ZNF385D: variants seen among roughly 807,000 people sequenced by gnomAD.
The protein encoded by ZNF385D is zinc finger protein 659.
ZNF385D carries 15 observed loss-of-function variants against 35.8 expected under a neutral mutation model. That is an observed-to-expected ratio of 0.42 (90% CI 0.28 to 0.64). ZNF385D has a LOEUF of 0.64. ZNF385D is among the 30% of genes least tolerant of loss of function. The pLI, the probability that ZNF385D is intolerant of heterozygous loss-of-function variation, is 0.23. For synonymous variants in ZNF385D, 212 were observed against 186.8 expected (o/e 1.13, Z -1.10); for missense variants, 474 against 494.6 (o/e 0.96, Z 0.39).
intron 3 of ZNF385D, chr3:21,961,293 G>C (rs1262186926): frequency 6.6e-6 from 1 of 152,058 alleles, no homozygotes; most frequent in African/African-American, 2.4e-5. Flanking sequence ...ATGAATGAAA[G>C]AACAGAAACT....
intron 3 of ZNF385D, among the ~76,000 whole-genome samples, chr3:21,543,544 A>G (rs565033958): frequency 1.8e-4 from 27 of 152,264 alleles, no homozygotes; most frequent in Admixed American, 9.1e-4. Flanking sequence ...CCCAGCCACA[A>G]GCGTCTGCAG....
intron 4 of ZNF385D, chr3:21,441,667 C>T: frequency 3.0e-6 from 3 of 984,952 alleles, no homozygotes; most frequent in Non-Finnish European, 3.6e-6. Context: ...AAAAGGAAAA[C>T]CTATAGCTCT....
Position 21,805,265 on chromosome 3 carries a change from G to C in ZNF385D, c.326-140237C>G, listed in dbSNP as rs543336586. On this transcript the variant is annotated intron_variant, in intron 3 of 5. Transcript: ENST00000494108. ...TAATTCAAATTAGGGTAGTGAGAGA[G>C]AATATATATGTGTAAATAGTGTGTA... Among the ~76,000 whole-genome samples, 4 of 152,284 alleles carry C rather than the reference G, an allele frequency of 2.6e-5. No homozygotes were observed. The East Asian group carries it at 7.7e-4, about 29-fold the overall frequency.
chr3:21,504,146 A>G (rs918532362), intron 4 of ZNF385D, among the ~76,000 whole-genome samples: 10 of 152,154 alleles, frequency 6.6e-5, no homozygotes, highest in African/African-American at 1.9e-4. Context: ...CAATTAGATG[A>G]CTAAGGAAAA....
chr3:22,168,843 C>T, exon 3 of ZNF385D: 1 of 985,798 alleles, frequency 1.0e-6, no homozygotes, highest in Non-Finnish European at 1.2e-6. Context: ...CGTCCCATTG[C>T]TGAGTTGTTT....
At chr3:21,818,259 A>C (rs1233476412) in intron 3 of ZNF385D, among the ~76,000 whole-genome samples, 1 of 152,212 alleles carries the variant, frequency 6.6e-6, no homozygotes, top group African/African-American at 2.4e-5. Context: ...CATCACACCA[A>C]CATGGCACAT....
intron 1 of ZNF385D, among the ~76,000 whole-genome samples, chr3:21,689,992 TTTGA>T (rs1398893318): frequency 6.6e-6 from 1 of 152,104 alleles, no homozygotes; most frequent in Non-Finnish European, 1.5e-5. Context: ...CACTAATATT[TTTGA>T]TTGACAGACT....
At chr3:21,966,792 G>C (rs1702939313) in intron 3 of ZNF385D, among the ~76,000 whole-genome samples, 1 of 152,260 alleles carries the variant, frequency 6.6e-6, no homozygotes, top group East Asian at 1.9e-4. Flanking sequence ...ATGTTGGCCA[G>C]GCTGGTCTCA....
chr3:22,213,117 G>A (rs1177528631), intron 2 of ZNF385D, among the ~76,000 whole-genome samples: 3 of 151,896 alleles, frequency 2.0e-5, no homozygotes, highest in Non-Finnish European at 2.9e-5. Context: ...TTTTTTCAAA[G>A]AACAGACATA....
intron 3 of ZNF385D, among the ~76,000 whole-genome samples, chr3:22,106,679 C>T (rs1468084760): frequency 2.0e-5 from 3 of 152,152 alleles, no homozygotes; most frequent in Non-Finnish European, 2.9e-5. Context: ...TGACCTCTTA[C>T]CTACTACTTG....
At chr3:22,337,286 T>A (rs978779090) in intron 2 of ZNF385D, among the ~76,000 whole-genome samples, 4 of 152,056 alleles carry the variant, frequency 2.6e-5, no homozygotes, top group African/African-American at 9.7e-5. Context: ...AATCCCCAGA[T>A]TTTGAAAGGT....
chr3:22,033,676 T>C (rs1698144617), intron 3 of ZNF385D, among the ~76,000 whole-genome samples: 1 of 152,058 alleles, frequency 6.6e-6, no homozygotes, highest in African/African-American at 2.4e-5. Context: ...AAGGTGATTA[T>C]AACAAGAACA....
Position 22,367,178 on chromosome 3 carries a change from A to T in ZNF385D, c.106+5272T>A, listed in dbSNP as rs192022819. On this transcript the variant is annotated intron_variant, in intron 2 of 5. Transcript: ENST00000494108. ...CTTACTAGGTACTAGACTATTCGAA[A>T]CACTTTACGTGTATCACCTTATTAA... Among the ~76,000 whole-genome samples, 1,127 of 152,272 alleles carry T rather than the reference A, an allele frequency of 7.4e-3. 26 individuals are homozygous for T. Among genetic ancestry groups the T allele is most frequent in the African/African-American group, 0.026 (1,080 of 41,564 alleles).
intron 3 of ZNF385D, among the ~76,000 whole-genome samples, chr3:22,064,882 CAGTA>C (rs1195018668): frequency 3.2e-4 from 49 of 152,248 alleles, no homozygotes; most frequent in African/African-American, 1.1e-3. Context: ...ATGGTGATTA[CAGTA>C]AGTAACAATG....
rs773952386 is a variant in ZNF385D, at chr3:22,008,360, C to CATTTTTTTTTTTTTTTTTTTTTTTTT, written c.325+160456_325+160457insAAAAAAAAAAAAAAAAAAAAAAAAAT. 2.3e-5 allele frequency among the ~76,000 whole-genome samples: 3 copies of CATTTTTTTTTTTTTTTTTTTTTTTTT among 131,938 alleles called. 1 individual carries two copies. Among genetic ancestry groups the CATTTTTTTTTTTTTTTTTTTTTTTTT allele is most frequent in the African/African-American group, 6.0e-5 (2 of 33,070 alleles). 86.6% of individuals were successfully genotyped at this position (131,938 alleles called of 152,430 possible). A position where few individuals can be genotyped will look rare whatever the true frequency, so the allele number is the denominator to read the frequency against. ...TCACTTTCATACAGGCCATGATTTTCTTTTTTTTTTTTGAGGCGGAGTCTC... is the reference window on the plus strand; with the variant it reads ...TCACTTTCATACAGGCCATGATTTTCATTTTTTTTTTTTTTTTTTTTTTTTTTTTTTTTTTTTTGAGGCGGAGTCTC... On this transcript the variant is annotated intron_variant, in intron 3 of 5. Transcript: ENST00000494108.
At chr3:21,652,758 A>G (rs1355281823) in intron 2 of ZNF385D, among the ~76,000 whole-genome samples, 1 of 152,074 alleles carries the variant, frequency 6.6e-6, no homozygotes. Context: ...GTCTGCTGAG[A>G]ATGATGGTTT....
At chr3:22,363,204 C>A (rs1696497983) in intron 2 of ZNF385D, among the ~76,000 whole-genome samples, 1 of 133,704 alleles carries the variant, frequency 7.5e-6, no homozygotes, top group Non-Finnish European at 1.6e-5. Flanking sequence ...GGTACTCTTT[C>A]TTTCCTGGAA....
At chr3:22,277,086 T>C (rs1003447165) in intron 2 of ZNF385D, among the ~76,000 whole-genome samples, 5 of 152,128 alleles carry the variant, frequency 3.3e-5, no homozygotes, top group African/African-American at 1.2e-4. Context: ...CAGCTCAAAA[T>C]TCTAATTCTA....
chr3:21,709,278 A>G (rs2068014919), intron 1 of ZNF385D, among the ~76,000 whole-genome samples: 1 of 152,172 alleles, frequency 6.6e-6, no homozygotes. Flanking sequence ...TCAAAGGCAG[A>G]TATATTGTGT....
Sources: allele counts gnomAD v4.1 joint callset (sites outside exome capture counted in the v4.1 genomes callset), GRCh38; gene constraint gnomAD v4.1.1; transcripts MANE v1.5; gene names NCBI Gene and HGNC (gene_info 2026-07-23, HGNC 2026-07-21).